The following FYTTD1 variants were observed in gnomAD, a reference collection of about 807,000 sequenced individuals.
FYTTD1 encodes UAP56-interacting factor.
Under a neutral mutation model 40.9 loss-of-function variants are expected in FYTTD1, and 22 were observed. The ratio of observed to expected loss-of-function variants is 0.54; its 90% CI spans 0.38 to 0.77. The LOEUF is 0.77. FYTTD1 is among the 30% of genes least tolerant of loss of function. FYTTD1 has a pLI of 0.00. For synonymous variants in FYTTD1, 140 were observed against 137.9 expected (o/e 1.01, Z -0.10); for missense variants, 351 against 392.2 (o/e 0.90, Z 0.89).
chr3:197,761,920 T>G (rs1009631145), intron 2 of FYTTD1, among the ~76,000 whole-genome samples: 1 of 152,200 alleles, frequency 6.6e-6, no homozygotes, highest in African/African-American at 2.4e-5. Context: ...TTTTGGAGAT[T>G]AGCAGTTCAA....
chr3:197,768,351 T>TC, intron 2 of FYTTD1, 88 bp from the exon 3 acceptor site: 1 of 895,750 alleles, frequency 1.1e-6, no homozygotes, highest in Admixed American at 2.6e-5. Flanking sequence ...GTTCATAAGT[T>TC]CCCCCTTCCT....
In FYTTD1 at chr3:197,782,308, C is replaced by T. The variant is rs1485792719; in HGVS notation, c.*399C>T. 1.3e-5 allele frequency: 2 copies of T among 153,346 alleles called. No homozygotes were observed. The highest frequency in any genetic ancestry group is 4.8e-5 in the African/African-American group (2 of 41,450). The allele number at this position is 153,346 out of a possible 1,614,324, so 9.5% of individuals were successfully genotyped here. The stretch of plus-strand genomic sequence containing the variant: ...TGGTCTTCATAAACATGAGTAGGTC[C>T]CTTGGTTGCTGTCACTTGCCCTTTA... On this transcript the variant is annotated 3_prime_UTR_variant, in exon 9 of 9. Transcript: ENST00000241502.
At chr3:197,760,614 A>G (rs1729353879) in intron 2 of FYTTD1, among the ~76,000 whole-genome samples, 1 of 151,142 alleles carries the variant, frequency 6.6e-6, no homozygotes, top group Non-Finnish European at 1.5e-5. Flanking sequence ...TAGAATGTAT[A>G]GAGTTGTTCC....
chr3:197,766,534 C>G (rs1729555648), intron 2 of FYTTD1, among the ~76,000 whole-genome samples: 1 of 151,344 alleles, frequency 6.6e-6, no homozygotes, highest in African/African-American at 2.4e-5. Context: ...CCTCTGCTTC[C>G]CAGGCTCAAA....
At chr3:197,763,604 C>A (rs764609470) in intron 2 of FYTTD1, 90 of 402,588 alleles carry the variant, frequency 2.2e-4, no homozygotes, top group Non-Finnish European at 4.0e-4. Flanking sequence ...TAGGGAGACC[C>A]CGTCTCTACA....
intron 6 of FYTTD1, among the ~76,000 whole-genome samples, chr3:197,774,445 T>C (rs1047744272): frequency 2.6e-5 from 4 of 152,324 alleles, no homozygotes; most frequent in South Asian, 2.1e-4. Flanking sequence ...ATGTCACCTG[T>C]GTATCGCCAC....
At chr3:197,775,126 A>G (rs1459698979) in intron 6 of FYTTD1, among the ~76,000 whole-genome samples, 3 of 152,268 alleles carry the variant, frequency 2.0e-5, no homozygotes, top group African/African-American at 7.2e-5. Flanking sequence ...AAATGAACCT[A>G]TTTAGGGAAT....
chr3:197,750,578 G>T lies in FYTTD1; in HGVS notation c.103+504G>T, dbSNP rs9844344. The T allele has an allele frequency of 2.2e-3, 2,216 of 985,390 alleles. 21 individuals are homozygous for T. The African/African-American group carries it at 0.036, about 16-fold the overall frequency. The allele number at this position is 985,390 out of a possible 1,614,324, so 61.0% of individuals were successfully genotyped here. ...AGCGCTTCCGGAGCTTTCCCTGGTC[G>T]CCGGGCGTTCCAGGCCGGCGCCGGC... is the stretch of plus-strand genomic sequence containing the variant. On this transcript the variant is annotated intron_variant, in intron 1 of 8. Coordinates refer to ENST00000241502, the MANE Select transcript of FYTTD1 (RefSeq NM_032288.7).
intron 5 of FYTTD1, among the ~76,000 whole-genome samples, 171 bp from the exon 6 acceptor site, chr3:197,773,978 G>A (rs1729796423): frequency 6.7e-6 from 1 of 148,642 alleles, no homozygotes; most frequent in Non-Finnish European, 1.5e-5. Flanking sequence ...GGGCCCCTCC[G>A]CTGCACTCAC....
At chr3:197,757,355 A>T (rs190173087) in intron 2 of FYTTD1, among the ~76,000 whole-genome samples, 2 of 152,320 alleles carry the variant, frequency 1.3e-5, no homozygotes, top group Non-Finnish European at 2.9e-5. Flanking sequence ...TCTTTTTCAG[A>T]TATGTAAAAA....
chr3:197,783,105 G>A lies in FYTTD1; in HGVS notation c.*1196G>A, dbSNP rs1045804617. 5.9e-5 allele frequency: 9 copies of A among 152,434 alleles called. No homozygotes were observed. Among genetic ancestry groups the A allele is most frequent in the African/African-American group, 1.9e-4 (8 of 41,388 alleles). 9.4% of individuals were successfully genotyped at this position (152,434 alleles called of 1,614,324 possible). On this transcript the variant is annotated 3_prime_UTR_variant, in exon 9 of 9. Transcript: ENST00000241502. ...ATGGGGAGAAAAGGCCCTCCCCACCGACCCGCCACCTGCCACCTCTGACGG... is the reference window on the plus strand; with the variant it reads ...ATGGGGAGAAAAGGCCCTCCCCACCAACCCGCCACCTGCCACCTCTGACGG...
chr3:197,781,246 G>T (rs913988625), intron 8 of FYTTD1, among the ~76,000 whole-genome samples: 1 of 151,730 alleles, frequency 6.6e-6, no homozygotes, highest in African/African-American at 2.4e-5. Flanking sequence ...CCCAGGAGGC[G>T]GAAGTTGCAA....
intron 2 of FYTTD1, among the ~76,000 whole-genome samples, chr3:197,765,483 GT>G (rs1729517397): frequency 6.6e-6 from 1 of 152,102 alleles, no homozygotes; most frequent in Non-Finnish European, 1.5e-5. Context: ...TTAATGTACA[GT>G]TTTTCCCAAT....
chr3:197,760,428 C>T (rs1370371780), intron 2 of FYTTD1, among the ~76,000 whole-genome samples: 1 of 150,736 alleles, frequency 6.6e-6, no homozygotes, highest in African/African-American at 2.5e-5. Context: ...AGTTGTTCTT[C>T]AGGGGTAGAA....
Position 197,786,313 on chromosome 3 carries a change from C to G in FYTTD1, c.*4404C>G, listed in dbSNP as rs529456535. The G allele has an allele frequency of 6.6e-6, 1 of 152,056 alleles. No individual in the cohort carries two copies. Among genetic ancestry groups the G allele is most frequent in the African/African-American group, 2.4e-5 (1 of 41,446 alleles). The allele number at this position is 152,056 out of a possible 1,614,324, so 9.4% of individuals were successfully genotyped here. A position where few individuals can be genotyped will look rare whatever the true frequency, so the allele number is the denominator to read the frequency against. ...CATTTTTAGTAGAGACGGGGTTTCT[C>G]CATGTTGGTCAGGCTGGTCTCAAAC... On this transcript the variant is annotated 3_prime_UTR_variant, in exon 9 of 9. Coordinates refer to ENST00000241502, the MANE Select transcript of FYTTD1 (RefSeq NM_032288.7).
rs1730165150 is a variant in FYTTD1, at chr3:197,786,885, C to T, written c.*4976C>T. 6.6e-6 allele frequency: 1 copy of T among 151,924 alleles called. No individual in the cohort carries two copies. Among genetic ancestry groups the T allele is most frequent in the Non-Finnish European group, 1.5e-5 (1 of 67,990 alleles). 9.4% of individuals were successfully genotyped at this position (151,924 alleles called of 1,614,324 possible). On this transcript the variant is annotated 3_prime_UTR_variant, in exon 9 of 9. Transcript: ENST00000241502. The stretch of plus-strand genomic sequence containing the variant: ...CACTGCAGCCTCTGCCTCCCAGGAT[C>T]CTTTCCGGGTTCAAGCAATTCTTGT...
chr3:197,778,395 GC>G lies in FYTTD1; in HGVS notation c.790del (p.Gln264LysfsTer17). The G allele has an allele frequency of 6.2e-7, 1 of 1,611,438 alleles. No individual in the cohort carries two copies. Among genetic ancestry groups the G allele is most frequent in the Non-Finnish European group, 8.5e-7 (1 of 1,177,836 alleles). On this transcript the variant is annotated frameshift_variant, in exon 8 of 9. Coordinates refer to ENST00000241502, the MANE Select transcript of FYTTD1 (RefSeq NM_032288.7). LOFTEE classifies it high-confidence loss of function. ...TACCTTCATTTTTAACAAAGCGGGAGCAAAGTGACGTCAAGAAAGTTCCTAA... is the reference window on the plus strand; with the variant it reads ...TACCTTCATTTTTAACAAAGCGGGAGAAAGTGACGTCAAGAAAGTTCCTAA... ...AVPSFLTKRE[Q>X]SDVKKVPKGV...
intron 1 of FYTTD1, among the ~76,000 whole-genome samples, chr3:197,751,222 G>C (rs1729028893): frequency 6.6e-6 from 1 of 152,190 alleles, no homozygotes; most frequent in African/African-American, 2.4e-5. Context: ...AGGTGAGATG[G>C]GAACTATTGA....
intron 2 of FYTTD1, among the ~76,000 whole-genome samples, chr3:197,765,216 GTCTT>G (rs1271421631): frequency 6.6e-6 from 1 of 152,114 alleles, no homozygotes; most frequent in East Asian, 1.9e-4. Context: ...TTTCTTGTCA[GTCTT>G]TCTCATCTAG....
Sources: gnomAD v4.1 joint callset for allele counts (sites outside exome capture counted in the v4.1 genomes callset) on GRCh38, gnomAD v4.1.1 for gene constraint, MANE v1.5 for transcripts, NCBI Gene and HGNC (gene_info 2026-07-23, HGNC 2026-07-21) for gene names.